Variants in NAV2 observed in about 807,000 individuals in gnomAD.
NAV2 encodes the protein neuron navigator 2, also known as helicase, APC down-regulated 1.
Under a neutral mutation model 223.2 loss-of-function variants are expected in NAV2, and 54 were observed. The ratio of observed to expected loss-of-function variants is 0.24; its 90% CI spans 0.19 to 0.30. The LOEUF is 0.30. Ranked by LOEUF, NAV2 falls within the 10% of genes least tolerant of loss-of-function variation. The pLI, the probability that NAV2 is intolerant of heterozygous loss-of-function variation, is 1.00. For missense variants in NAV2, 2,806 were observed against 3,147.5 expected (o/e 0.89, Z 2.60); for synonymous variants, 1,279 against 1,239.3 (o/e 1.03, Z -0.67).
intron 3 of NAV2, among the ~76,000 whole-genome samples, chr11:19,851,477 C>G (rs767627051): frequency 6.6e-6 from 1 of 152,082 alleles, no homozygotes; most frequent in African/African-American, 2.4e-5. Flanking sequence ...GTTCCACACA[C>G]GGGGTATGTG....
intron 1 of NAV2, among the ~76,000 whole-genome samples, chr11:19,661,444 G>A (rs925057943): frequency 1.3e-5 from 2 of 152,036 alleles, no homozygotes; most frequent in Non-Finnish European, 2.9e-5. Context: ...CAAAAACATC[G>A]TAACAATAAA....
At chr11:19,401,707 G>A (rs1049303462) in intron 1 of NAV2, among the ~76,000 whole-genome samples, 1 of 152,176 alleles carries the variant, frequency 6.6e-6, no homozygotes, top group African/African-American at 2.4e-5. Context: ...TCTTCTGAGC[G>A]TGAGCATGTG....
intron 1 of NAV2, among the ~76,000 whole-genome samples, chr11:19,756,780 T>G (rs529017613): frequency 6.6e-6 from 1 of 152,342 alleles, no homozygotes; most frequent in Non-Finnish European, 1.5e-5. Context: ...AAAAGGCTGA[T>G]CAGGGCGCCA....
At chr11:19,547,989 C>G (rs1385935030) in intron 1 of NAV2, among the ~76,000 whole-genome samples, 1 of 152,292 alleles carries the variant, frequency 6.6e-6, no homozygotes. Context: ...GAATCCCAGC[C>G]TGCAAGAGGT....
Position 20,054,236 on chromosome 11 carries a change from G to C in NAV2, c.4638G>C (p.Gln1546His), listed in dbSNP as rs374554120. ...SPSGTRFNFS[Q>H]LASPTTVTQM... ...CCGGAACAAGATTCAACTTTTCCCA[G>C]CTTGGTGAGTAGCCACTTGTCATTA... The change falls in exon 18 of 38, where the codon CAG becomes CAC. Residue 1546 changes from glutamine (Q) to histidine (H), a missense_variant. Gln to His is a conservative substitution (Grantham distance 24). Coordinates refer to ENST00000349880, the MANE Select transcript of NAV2 (RefSeq NM_145117.5). The C allele has an allele frequency of 3.7e-6, 6 of 1,608,924 alleles. No homozygotes were observed. The highest frequency in any genetic ancestry group is 3.4e-6 in the Non-Finnish European group (4 of 1,178,704).
At chr11:19,696,876 T>C (rs186167318) in intron 1 of NAV2, among the ~76,000 whole-genome samples, 1 of 152,284 alleles carries the variant, frequency 6.6e-6, no homozygotes, top group Non-Finnish European at 1.5e-5. Context: ...GAGCTTCTTA[T>C]AAGTAGTGTT....
chr11:19,442,792 T>C (rs1194002219), intron 1 of NAV2, among the ~76,000 whole-genome samples: 1 of 152,210 alleles, frequency 6.6e-6, no homozygotes, highest in Admixed American at 6.5e-5. Flanking sequence ...CAATAGGCTA[T>C]ATAAAAAGTA....
intron 1 of NAV2, among the ~76,000 whole-genome samples, chr11:19,727,853 A>G (rs532060152): frequency 6.6e-6 from 1 of 152,350 alleles, no homozygotes; most frequent in African/African-American, 2.4e-5. Flanking sequence ...ACTTAGTGAC[A>G]GAGGTGTAGC....
chr11:19,958,093 C>T (rs1419708272), intron 10 of NAV2, among the ~76,000 whole-genome samples: 1 of 152,038 alleles, frequency 6.6e-6, no homozygotes, highest in East Asian at 1.9e-4. Context: ...AGTCTCAGGC[C>T]CTTGTTGAGA....
chr11:19,860,995 C>T (rs1233724287), intron 3 of NAV2, among the ~76,000 whole-genome samples: 14 of 133,346 alleles, frequency 1.0e-4, no homozygotes, highest in Non-Finnish European at 9.4e-5. Context: ...AGTCCAGCTT[C>T]GGCTCGGCAT....
intron 10 of NAV2, among the ~76,000 whole-genome samples, chr11:19,957,353 A>T (rs1036828871): frequency 6.6e-6 from 1 of 152,216 alleles, no homozygotes; most frequent in Non-Finnish European, 1.5e-5. Flanking sequence ...TATCCCAGGC[A>T]AGTACAATGG....
At chr11:20,011,168 G>A (rs2053534290) in intron 11 of NAV2, among the ~76,000 whole-genome samples, 1 of 152,116 alleles carries the variant, frequency 6.6e-6, no homozygotes, top group African/African-American at 2.4e-5. Flanking sequence ...TACCTGGCCT[G>A]ACCCATAGCT....
intron 1 of NAV2, among the ~76,000 whole-genome samples, chr11:19,609,348 G>T (rs1279309253): frequency 6.6e-6 from 1 of 152,164 alleles, no homozygotes; most frequent in Non-Finnish European, 1.5e-5. Context: ...TTGAGAAAGA[G>T]AGGAAAGAGG....
At chr11:20,020,488 T>A (rs2054404905) in intron 11 of NAV2, among the ~76,000 whole-genome samples, 1 of 152,152 alleles carries the variant, frequency 6.6e-6, no homozygotes, top group Admixed American at 6.6e-5. Context: ...GTTGCCTGGG[T>A]CTCCCTTATC....
chr11:19,474,766 G>GA (rs2042066798), intron 1 of NAV2, among the ~76,000 whole-genome samples: 1 of 152,196 alleles, frequency 6.6e-6, no homozygotes. Context: ...GAGAACCGAT[G>GA]AAAAAAGCCA....
At chr11:20,074,434 A>T (rs1395842216) in intron 22 of NAV2, among the ~76,000 whole-genome samples, 2 of 152,186 alleles carry the variant, frequency 1.3e-5, no homozygotes. Context: ...AGAGTTCTGT[A>T]GATGTCTATT....
chr11:20,065,671 G>A (rs533017760), intron 20 of NAV2, among the ~76,000 whole-genome samples: 2 of 152,180 alleles, frequency 1.3e-5, no homozygotes, highest in East Asian at 3.9e-4. Context: ...GATAATTGGG[G>A]CCCAACCCCA....
intron 1 of NAV2, among the ~76,000 whole-genome samples, chr11:19,627,771 G>A (rs2047212396): frequency 6.6e-6 from 1 of 152,040 alleles, no homozygotes; most frequent in South Asian, 2.1e-4. Context: ...TGATGGATGA[G>A]ATGGGAGGGT....
intron 1 of NAV2, among the ~76,000 whole-genome samples, chr11:19,475,331 A>G (rs1382994204): frequency 6.6e-6 from 1 of 152,256 alleles, no homozygotes; most frequent in Non-Finnish European, 1.5e-5. Flanking sequence ...CCAGCAGACC[A>G]GAAAGGCTTT....
Sources: gnomAD v4.1 joint callset for allele counts (sites outside exome capture counted in the v4.1 genomes callset) on GRCh38, gnomAD v4.1.1 for gene constraint, MANE v1.5 for transcripts, NCBI Gene and HGNC (gene_info 2026-07-23, HGNC 2026-07-21) for gene names.